The following ATP2C2 variants were observed in gnomAD, a reference collection of about 807,000 sequenced individuals.
ATP2C2 encodes the protein ATPase secretory pathway Ca2+ transporting 2.
Under a neutral mutation model 110.8 loss-of-function variants are expected in ATP2C2, and 171 were observed. That is an observed-to-expected ratio of 1.54 (90% CI 1.36 to 1.75). The LOEUF (loss-of-function observed/expected upper bound fraction) is 1.75. Among genes scored for constraint, ATP2C2 ranks in the 40% most tolerant of loss-of-function variants. ATP2C2 has a pLI of 0.00. For synonymous variants in ATP2C2, 804 were observed against 508.4 expected (o/e 1.58, Z -7.82); for missense variants, 1,963 against 1,235.0 (o/e 1.59, Z -8.84).
chr16:84,381,453 T>C (rs1910573865), intron 1 of ATP2C2, among the ~76,000 whole-genome samples: 1 of 152,130 alleles, frequency 6.6e-6, no homozygotes, highest in Admixed American at 6.6e-5. Context: ...GACATGAGCC[T>C]GTAATCCCAG....
intron 17 of ATP2C2, among the ~76,000 whole-genome samples, chr16:84,449,961 C>T (rs776536373): frequency 6.6e-6 from 1 of 152,236 alleles, no homozygotes; most frequent in Admixed American, 6.5e-5. Context: ...AGGCCACGCC[C>T]TGAATCCCCA....
intron 11 of ATP2C2, among the ~76,000 whole-genome samples, chr16:84,432,520 C>T (rs1259972592): frequency 2.0e-5 from 3 of 151,788 alleles, no homozygotes; most frequent in Non-Finnish European, 1.5e-5. Flanking sequence ...TGAGAACATG[C>T]CGTGTTTGCT....
At chr16:84,448,343 A>C (rs1909946975) in intron 16 of ATP2C2, among the ~76,000 whole-genome samples, 190 bp from the exon 17 acceptor site, 1 of 152,128 alleles carries the variant, frequency 6.6e-6, no homozygotes, top group South Asian at 2.1e-4. Context: ...GGACTGCAAA[A>C]CGTTCCATGG....
In ATP2C2 at chr16:84,463,687, C is replaced by G; in HGVS notation, c.2796C>G (p.Tyr932Ter). 2 of 1,614,218 alleles carry G rather than the reference C, an allele frequency of 1.2e-6. No homozygotes were observed. The highest frequency in any genetic ancestry group is 1.7e-6 in the Non-Finnish European group (2 of 1,180,030). Reference sequence around the variant, plus strand: ...AGCTCCTCAAACTATGTGAAAAATACTGTTGCAGCCCCAAGAGAGTCCAGA... The same window carrying G: ...AGCTCCTCAAACTATGTGAAAAATAGTGTTGCAGCCCCAAGAGAGTCCAGA... ...LSELLKLCEK[Y>*]CCSPKRVQMH... The change falls in exon 27 of 27, where the codon TAC becomes TAG. Residue 932 changes from tyrosine (Y) to a stop codon, truncating the protein, a stop_gained. Coordinates refer to ENST00000262429, the MANE Select transcript of ATP2C2 (RefSeq NM_014861.4). LOFTEE classifies it low-confidence loss of function (END_TRUNC).
At chr16:84,375,855 G>GA (rs138917410) in intron 1 of ATP2C2, among the ~76,000 whole-genome samples, 4,585 of 151,914 alleles carry the variant, frequency 0.03, 216 homozygotes, top group African/African-American at 0.11. Flanking sequence ...TTTGTAGACA[G>GA]AAAAAAAGGA....
At chr16:84,374,749 C>T (rs1910155620) in intron 1 of ATP2C2, among the ~76,000 whole-genome samples, 1 of 152,144 alleles carries the variant, frequency 6.6e-6, no homozygotes, top group African/African-American at 2.4e-5. Flanking sequence ...CAGAGGCCAT[C>T]TGGATGAGAA....
chr16:84,372,475 C>A (rs1910012439), intron 1 of ATP2C2, among the ~76,000 whole-genome samples: 4 of 152,134 alleles, frequency 2.6e-5, no homozygotes, highest in Admixed American at 1.3e-4. Flanking sequence ...GCCCTGTCAC[C>A]CAGGCTGGAG....
chr16:84,415,594 G>A lies in ATP2C2; in HGVS notation c.624+3G>A, dbSNP rs779067996. The A allele has an allele frequency of 3.7e-6, 6 of 1,611,322 alleles. No homozygotes were observed. The African/African-American group carries it at 6.7e-5, about 18-fold the overall frequency. ...CTGCAGACATCCGACTCACTGAGGT[G>A]AGTGGTTCCAAACCCTTGTCAATGG... On this transcript the variant is annotated splice_donor_region_variant and intron_variant, in intron 7 of 26. Transcript: ENST00000262429.
At position 84,431,103 on chromosome 16, in the gene ATP2C2, G is replaced by A. The variant is rs149389399; in HGVS notation, c.986+5302G>A. The stretch of plus-strand genomic sequence containing the variant: ...TCTGCCCTCCTGGAGTTTTCTGGCT[G>A]GGGAAAAAAGTGAATGTTAACAATT... On this transcript the variant is annotated intron_variant, in intron 11 of 26. Coordinates refer to ENST00000262429, the MANE Select transcript of ATP2C2 (RefSeq NM_014861.4). Among the ~76,000 whole-genome samples the A allele has an allele frequency of 4.4e-3, 666 of 152,012 alleles. 3 individuals are homozygous for A. Among genetic ancestry groups the A allele is most frequent in the African/African-American group, 0.015 (625 of 41,454 alleles).
intron 3 of ATP2C2, among the ~76,000 whole-genome samples, chr16:84,407,855 A>G (rs868023468): frequency 2.0e-5 from 3 of 152,134 alleles, no homozygotes; most frequent in Admixed American, 6.5e-5. Context: ...TTTCTTTTCA[A>G]TCCTCTGTAA....
At position 84,438,664 on chromosome 16, in the gene ATP2C2, G is replaced by A. The variant is rs77303174; in HGVS notation, c.987-502G>A. Among the ~76,000 whole-genome samples, 37 of 152,260 alleles carry A rather than the reference G, an allele frequency of 2.4e-4. No individual in the cohort carries two copies. The East Asian group carries it at 6.4e-3, about 26-fold the overall frequency. On this transcript the variant is annotated intron_variant, in intron 11 of 26. Transcript: ENST00000262429. ...GATCCACGCAGCAGGCAAGTGTGTC[G>A]CTGTGGCCCTTCACCTGCCCTGACC...
Position 84,454,824 on chromosome 16 carries a change from C to T in ATP2C2, c.1987C>T (p.Gln663Ter), listed in dbSNP as rs578129227. 2.5e-6 allele frequency: 4 copies of T among 1,598,438 alleles called. 1 individual carries two copies. The South Asian group carries it at 4.5e-5, about 18-fold the overall frequency. ...TTGCCTGCTCTTTCCAAAGGCTCTG[C>T]AGGAGTCAGGGGCGATCGTGGCCAT... ...KHKLKIIKALQESGAIVAMTG... is the reference protein window; with the variant it reads ...KHKLKIIKAL The change falls in exon 21 of 27, where the codon CAG becomes TAG. Residue 663 changes from glutamine to a stop codon, truncating the protein, a stop_gained. Transcript: ENST00000262429. LOFTEE classifies it high-confidence loss of function.
At chr16:84,424,362 T>C (rs1907611337) in intron 10 of ATP2C2, among the ~76,000 whole-genome samples, 1 of 152,174 alleles carries the variant, frequency 6.6e-6, no homozygotes, top group South Asian at 2.1e-4. Context: ...CACTGCACCC[T>C]CTGCCTCCTG....
At chr16:84,403,256 A>T (rs1448736366) in intron 2 of ATP2C2, among the ~76,000 whole-genome samples, 4 of 152,006 alleles carry the variant, frequency 2.6e-5, no homozygotes, top group South Asian at 2.1e-4. Flanking sequence ...AGGCCTATTT[A>T]AAAAAATGTC....
chr16:84,462,282 C>A, intron 26 of ATP2C2, 153 bp downstream of exon 26: 1 of 966,860 alleles, frequency 1.0e-6, no homozygotes. Flanking sequence ...TCTGTCCTCA[C>A]AGGAAGGGAC....
At chr16:84,422,910 C>T (rs535847572) in intron 9 of ATP2C2, among the ~76,000 whole-genome samples, 40 of 152,152 alleles carry the variant, frequency 2.6e-4, no homozygotes, top group African/African-American at 9.2e-4. Context: ...AGCAATCTGT[C>T]TGCCTCAGCC....
At chr16:84,419,929 GGGAGGGCTTCCT>G (rs1907177917) in intron 7 of ATP2C2, among the ~76,000 whole-genome samples, 1 of 152,160 alleles carries the variant, frequency 6.6e-6, no homozygotes, top group South Asian at 2.1e-4. Flanking sequence ...GGTGCACTCA[GGGAGGGCTTCCT>G]GGAGATAGCA....
chr16:84,443,099 A>C (rs1909420130), intron 15 of ATP2C2, among the ~76,000 whole-genome samples: 2 of 152,080 alleles, frequency 1.3e-5, no homozygotes, highest in South Asian at 4.2e-4. Flanking sequence ...GATGGGTGGG[A>C]GCTGATGGGG....
chr16:84,420,857 G>C (rs7500596), intron 7 of ATP2C2, among the ~76,000 whole-genome samples: 1 of 152,150 alleles, frequency 6.6e-6, no homozygotes, highest in Non-Finnish European at 1.5e-5. Context: ...CCAGGCTGGA[G>C]TGCAGTGGGG....
Sources: allele counts gnomAD v4.1 joint callset (sites outside exome capture counted in the v4.1 genomes callset), GRCh38; gene constraint gnomAD v4.1.1; transcripts MANE v1.5; gene names NCBI Gene and HGNC (gene_info 2026-07-23, HGNC 2026-07-21).